Variants in EPB41 observed in about 807,000 individuals in gnomAD.
EPB41 encodes erythrocyte membrane protein band 4.1.
Under a neutral mutation model 108.0 loss-of-function variants are expected in EPB41, and 65 were observed. That is an observed-to-expected ratio of 0.60 (90% CI 0.49 to 0.74). The LOEUF is 0.74. EPB41 is among the 30% of genes least tolerant of loss of function. The pLI, the probability that EPB41 is intolerant of heterozygous loss-of-function variation, is 0.00. For missense variants in EPB41, 875 were observed against 1,037.0 expected (o/e 0.84, Z 2.15); for synonymous variants, 336 against 358.9 (o/e 0.94, Z 0.72).
chr1:28,912,798 A>G (rs1293716798), upstream of EPB41, among the ~76,000 whole-genome samples: 1 of 151,322 alleles, frequency 6.6e-6, no homozygotes, highest in Non-Finnish European at 1.5e-5. Context: ...TTGTATTTTT[A>G]GTAGAGATGG....
At chr1:28,973,384 C>T (rs901343267) in intron 1 of EPB41, among the ~76,000 whole-genome samples, 7 of 151,482 alleles carry the variant, frequency 4.6e-5, no homozygotes, top group African/African-American at 1.7e-4. Flanking sequence ...TTCTAATGTC[C>T]CTTTTGTTTA....
At chr1:29,089,838 T>C (rs1284811292) in intron 16 of EPB41, among the ~76,000 whole-genome samples, 1 of 152,146 alleles carries the variant, frequency 6.6e-6, no homozygotes, top group Non-Finnish European at 1.5e-5. Context: ...GTGTTTAATT[T>C]TAGAAATAAG....
chr1:29,079,313 C>T (rs865878429), intron 16 of EPB41, among the ~76,000 whole-genome samples: 6 of 152,090 alleles, frequency 3.9e-5, no homozygotes, highest in African/African-American at 1.4e-4. Flanking sequence ...ATGATTTTTA[C>T]TTTGAGCTTT....
intron 7 of EPB41, among the ~76,000 whole-genome samples, chr1:29,021,255 A>G (rs1484498980): frequency 6.6e-6 from 1 of 152,142 alleles, no homozygotes; most frequent in East Asian, 1.9e-4. Flanking sequence ...TAATAATGCT[A>G]AGATGTTATT....
chr1:28,937,312 C>G (rs2094074826), intron 1 of EPB41, among the ~76,000 whole-genome samples: 1 of 152,200 alleles, frequency 6.6e-6, no homozygotes, highest in Non-Finnish European at 1.5e-5. Flanking sequence ...AAACCTTTAT[C>G]AGGCATATAA....
chr1:28,952,419 A>G (rs1379691335), intron 1 of EPB41, among the ~76,000 whole-genome samples: 1 of 152,022 alleles, frequency 6.6e-6, no homozygotes, highest in African/African-American at 2.4e-5. Context: ...CCAGCTACTC[A>G]GGAGGCTGAG....
chr1:29,058,821 A>G lies in EPB41; in HGVS notation c.1913A>G (p.Glu638Gly), dbSNP rs1646005947. ...ATTATGGCAAAACAGAAGCTTGCAG[A>G]AAAAACTGAAGATCTGATAAGAATG... ...SNGDQTQKLA[E>G]KTEDLIRMRK... is the part of the protein sequence containing the mutation. The change falls in exon 14 of 21, where the codon GAA (glutamate) becomes GGA (glycine). Residue 638 changes from glutamate (E) to glycine (G), a missense_variant. By Grantham distance (98) the Glu-to-Gly change is moderately conservative. Coordinates refer to ENST00000343067, the MANE Select transcript of EPB41 (RefSeq NM_001376013.1). 1 of 1,548,404 alleles carries G rather than the reference A, an allele frequency of 6.5e-7. No homozygotes were observed.
intron 1 of EPB41, among the ~76,000 whole-genome samples, chr1:28,915,467 A>G (rs1210182868): frequency 6.6e-6 from 1 of 152,042 alleles, no homozygotes; most frequent in Admixed American, 6.6e-5. Flanking sequence ...GAGATTGACC[A>G]GCAGGCCATT....
chr1:29,086,158 A>ACTTTG (rs1212320053), intron 16 of EPB41, among the ~76,000 whole-genome samples: 53 of 152,328 alleles, frequency 3.5e-4, no homozygotes, highest in South Asian at 1.7e-3. Context: ...TTATTACCAA[A>ACTTTG]GTAATACATA....
In EPB41 at chr1:28,929,867, T is replaced by TTTTTTA. The variant is rs1553170948; in HGVS notation, c.-8+15099_-8+15100insTTTTTA. Among the ~76,000 whole-genome samples the TTTTTTA allele has an allele frequency of 2.9e-5, 4 of 136,326 alleles. No individual in the cohort carries two copies. The South Asian group carries it at 9.4e-4, about 32-fold the overall frequency. The allele number at this position is 136,326 out of a possible 152,430, so 89.4% of individuals were successfully genotyped here. A position where few individuals can be genotyped will look rare whatever the true frequency, so the allele number is the denominator to read the frequency against. On this transcript the variant is annotated intron_variant, in intron 1 of 20. Coordinates refer to ENST00000343067, the MANE Select transcript of EPB41 (RefSeq NM_001376013.1). ...TCTTTTTTTTTTTTTTTTTTTTTTTTAAAGACTTTATTGAGATATAATTAA... is the reference window on the plus strand; with the variant it reads ...TCTTTTTTTTTTTTTTTTTTTTTTTTTTTTTAAAAGACTTTATTGAGATATAATTAA...
intron 1 of EPB41, among the ~76,000 whole-genome samples, chr1:28,980,445 C>G (rs1219153674): frequency 6.6e-6 from 1 of 151,832 alleles, no homozygotes; most frequent in Non-Finnish European, 1.5e-5. Context: ...TATGGTGGCT[C>G]ACTTCTGTAA....
In EPB41 at chr1:28,952,249, C is replaced by T. The variant is rs1032085422; in HGVS notation, c.-7-35182C>T. Among the ~76,000 whole-genome samples the T allele has an allele frequency of 4.6e-5, 7 of 151,362 alleles. No individual in the cohort carries two copies. The East Asian group carries it at 7.7e-4, about 17-fold the overall frequency. ...CAGTTATCAAAGTGGTTCGTGCGGCCGGGCACGGTGGCTCACGCCTGTAAT... is the reference window on the plus strand; with the variant it reads ...CAGTTATCAAAGTGGTTCGTGCGGCTGGGCACGGTGGCTCACGCCTGTAAT... On this transcript the variant is annotated intron_variant, in intron 1 of 20. Transcript: ENST00000343067.
At chr1:29,029,449 T>A (rs1220612699) in intron 7 of EPB41, among the ~76,000 whole-genome samples, 2 of 152,320 alleles carry the variant, frequency 1.3e-5, no homozygotes, top group Admixed American at 1.3e-4. Flanking sequence ...AGACTTTTCC[T>A]TGTGAAATGA....
chr1:29,070,154 C>G (rs966488600), intron 16 of EPB41: 1 of 377,576 alleles, frequency 2.6e-6, no homozygotes, highest in African/African-American at 2.1e-5. Context: ...CTAATGTTCA[C>G]TCACTCAAAA....
chr1:29,050,963 C>T (rs1166583806), intron 11 of EPB41, among the ~76,000 whole-genome samples: 1 of 152,140 alleles, frequency 6.6e-6, no homozygotes, highest in East Asian at 1.9e-4. Flanking sequence ...GCGTGAGCCA[C>T]CACGCCTGGC....
intron 16 of EPB41, among the ~76,000 whole-genome samples, chr1:29,088,422 G>A (rs1660042566): frequency 6.6e-6 from 1 of 152,210 alleles, no homozygotes; most frequent in Non-Finnish European, 1.5e-5. Context: ...ATCACATTAA[G>A]TCTCAGCTTT....
At chr1:28,957,441 G>A (rs1187085803) in intron 1 of EPB41, among the ~76,000 whole-genome samples, 1 of 152,190 alleles carries the variant, frequency 6.6e-6, no homozygotes, top group Non-Finnish European at 1.5e-5. Context: ...GTCTCACTCT[G>A]TCACCCAGGC....
chr1:28,890,187 G>A (rs991452302), intron 1 of EPB41, among the ~76,000 whole-genome samples: 2 of 151,934 alleles, frequency 1.3e-5, no homozygotes, highest in Admixed American at 6.6e-5. Context: ...ACAGGCTCCT[G>A]CCACCATGCC....
rs1432231464 is a variant in EPB41 at position 29,109,365 on chromosome 1, A to G, written c.2343A>G (p.Pro781=). The G allele has an allele frequency of 5.0e-6, 8 of 1,614,036 alleles. No homozygotes were observed. The highest frequency in any genetic ancestry group is 6.8e-6 in the Non-Finnish European group (8 of 1,180,010). Residue 781 remains proline (P), a synonymous_variant, in exon 18 of 21, where the codon CCA becomes CCG. Coordinates refer to ENST00000343067, the MANE Select transcript of EPB41 (RefSeq NM_001376013.1). ...QTDDNSGDLD[P]GVLLTAQTIT... is the part of the protein sequence containing the mutation. ...ACGACAACAGTGGAGACTTGGACCC[A>G]GGAGTCTTGCTGACAGCTCAAACTA...
Sources: allele counts gnomAD v4.1 joint callset (sites outside exome capture counted in the v4.1 genomes callset), GRCh38; gene constraint gnomAD v4.1.1; transcripts MANE v1.5; gene names NCBI Gene and HGNC (gene_info 2026-07-23, HGNC 2026-07-21).